The following CACNA1F variants were observed in gnomAD, a reference collection of about 807,000 sequenced individuals.
CACNA1F encodes the protein voltage-dependent L-type calcium channel subunit alpha-1F.
CACNA1F carries 59 observed loss-of-function variants against 143.8 expected under a neutral mutation model. That is an observed-to-expected ratio of 0.41 (90% CI 0.33 to 0.51). The LOEUF (loss-of-function observed/expected upper bound fraction) is 0.51, where lower values mean the gene tolerates loss of function less well. Among genes scored for constraint, CACNA1F ranks in the 20% least tolerant of loss-of-function variants. CACNA1F has a pLI of 0.22. For synonymous variants in CACNA1F, 643 were observed against 649.1 expected, an observed-to-expected ratio of 0.99 and a Z score of 0.14; for missense variants, 1,411 against 1,647.5, an observed-to-expected ratio of 0.86 and a Z score of 2.48.
Position 49,224,938 on chromosome X carries a change from A to T in CACNA1F, c.1700T>A (p.Leu567His). The change falls in exon 14 of 48, where the codon CTC becomes CAC. Residue 567 changes from leucine to histidine, a missense_variant. By Grantham distance (99) the Leu-to-His change is moderately conservative. This residue lies in a region of CACNA1F where 950 missense variants were observed against 1,128.1 expected (regional missense o/e 0.84). Coordinates refer to ENST00000323022, the MANE Select transcript of CACNA1F (RefSeq NM_001256789.3). ...LLCLFTVEML[L>H]KLYGLGPSAY... ...AGAGGGGCCCAGACCGTACAATTTGAGAAGCATCTCCACCGTGAACAGACA... is the reference window on the plus strand; with the variant it reads ...AGAGGGGCCCAGACCGTACAATTTGTGAAGCATCTCCACCGTGAACAGACA... The T allele has an allele frequency of 1.7e-6, 2 of 1,207,232 alleles. No individual in the cohort carries two copies. Among genetic ancestry groups the T allele is most frequent in the South Asian group, 3.5e-5 (2 of 56,594 alleles).
chrX:49,228,575 CTTTT>C lies in CACNA1F; in HGVS notation c.818-132_818-129del, dbSNP rs1557110610. 4 of 546,374 alleles carry C rather than the reference CTTTT, an allele frequency of 7.3e-6. No homozygotes were observed. The South Asian group carries it at 8.0e-5, about 11-fold the overall frequency. The allele number at this position is 546,374 out of a possible 1,213,427, so 45.0% of individuals were successfully genotyped here. ...TTTCTCTTTCTCTCTTTCTTTCTTT[CTTTT>C]TTTGAGACGGGGTCTCCCTCTGTCG... is the stretch of plus-strand genomic sequence containing the variant. On this transcript the variant is annotated intron_variant, in intron 6 of 47. Coordinates refer to ENST00000323022, the MANE Select transcript of CACNA1F (RefSeq NM_001256789.3).
Position 49,223,033 on chromosome X carries a change from G to A in CACNA1F, c.1981C>T (p.Leu661=). Residue 661 remains leucine (L), a synonymous_variant, in exon 15 of 48, where the codon CTG becomes TTG. Transcript: ENST00000323022. The stretch of plus-strand genomic sequence containing the variant: ...CCCCCAAACAGCTGCATGCCAAGCA[G>A]GGAGAAGATAATGATGAAGAGGAAG... ...LLFLFIIIFS[L]LGMQLFGGKF... 8.3e-7 allele frequency: 1 copy of A among 1,201,293 alleles called. No individual in the cohort carries two copies. Among genetic ancestry groups the A allele is most frequent in the Admixed American group, 2.2e-5 (1 of 44,634 alleles).
chrX:49,216,801 G>A (rs781792945), intron 26 of CACNA1F, among the ~76,000 whole-genome samples: 1 of 112,040 alleles, frequency 8.9e-6, no homozygotes, highest in Admixed American at 9.4e-5. Flanking sequence ...AATGAGACTA[G>A]TGTCTGGCAC....
At chrX:49,211,860 C>G (rs373922576) in intron 35 of CACNA1F, 38 bp downstream of exon 35, 62 of 1,130,506 alleles carry the variant, frequency 5.5e-5, no homozygotes, top group Non-Finnish European at 6.8e-5. Context: ...GGTGGGCACC[C>G]ACGGGCATAA....
chrX:49,208,429 C>G (rs1285096299), intron 43 of CACNA1F, 86 bp downstream of exon 43: 5 of 595,732 alleles, frequency 8.4e-6, no homozygotes, highest in Non-Finnish European at 1.3e-5. Context: ...TCCCACCCCC[C>G]TCAACTTCCT....
rs782568496 is a variant in CACNA1F, at chrX:49,218,850, A to G, written c.2733+32T>C. 3.4e-6 allele frequency: 4 copies of G among 1,164,018 alleles called. No homozygotes were observed. In the East Asian group the frequency reaches 1.2e-4, roughly 35 times the overall value. ...AACCGGTGGGGAGAGTGCCAGGGCA[A>G]CTGAGGGTAGGACTGGGGTCCCATT... On this transcript the variant is annotated intron_variant, in intron 22 of 47. Coordinates refer to ENST00000323022, the MANE Select transcript of CACNA1F (RefSeq NM_001256789.3).
In CACNA1F at chrX:49,228,393, G is replaced by T. The variant is rs781866020; in HGVS notation, c.872C>A (p.Ala291Glu). The change falls in exon 7 of 48, where the codon GCG becomes GAG. Residue 291 changes from alanine (A) to glutamate (E), a missense_variant. Physicochemically the swap from Ala to Glu is moderately radical, Grantham distance 107 (BLOSUM62 -1). Around this residue, in one of 3 missense-constraint regions of CACNA1F, gnomAD observed 950 missense variants for 1,128.1 expected, o/e 0.84. Coordinates refer to ENST00000323022, the MANE Select transcript of CACNA1F (RefSeq NM_001256789.3). ...GCACTCAGTCTGGTTCAGCGTGCAC[G>T]CACGCCCTGATCCCGAAGACGCACA... ...SPCASSGSGR[A>E]CTLNQTECRG... 1 of 1,209,548 alleles carries T rather than the reference G, an allele frequency of 8.3e-7. No individual in the cohort carries two copies. The highest frequency in any genetic ancestry group is 3.0e-5 in the East Asian group (1 of 33,738).
chrX:49,226,080 G>A lies in CACNA1F; in HGVS notation c.1491-11C>T. The A allele has an allele frequency of 8.4e-7, 1 of 1,192,692 alleles. No homozygotes were observed. Among genetic ancestry groups the A allele is most frequent in the Non-Finnish European group, 1.1e-6 (1 of 885,389 alleles). ...CGGCGGAGGCGGCGGCTGGGGGAAG[G>A]GGAGCCCACAGGCTGAGATCACCTA... On this transcript the variant is annotated splice_polypyrimidine_tract_variant and intron_variant, in intron 12 of 47. Coordinates refer to ENST00000323022, the MANE Select transcript of CACNA1F (RefSeq NM_001256789.3).
At position 49,228,721 on chromosome X, in the gene CACNA1F, C is replaced by A. The variant is rs191899330; in HGVS notation, c.818-274G>T. Among the ~76,000 whole-genome samples, 559 of 112,560 alleles carry A rather than the reference C, an allele frequency of 5.0e-3. 1 individual carries two copies. The highest frequency in any genetic ancestry group is 0.017 in the African/African-American group (533 of 31,065). ...CTGGGATTACCGGCGTGTGCCACAA[C>A]GCCCGGCTAATTTTTTTTGTATTTT... On this transcript the variant is annotated intron_variant, in intron 6 of 47. Transcript: ENST00000323022.
Position 49,209,925 on chromosome X carries a change from G to C in CACNA1F, c.4690+16C>G. 1 of 1,161,493 alleles carries C rather than the reference G, an allele frequency of 8.6e-7. No homozygotes were observed. The highest frequency in any genetic ancestry group is 1.2e-6 in the Non-Finnish European group (1 of 849,714). On this transcript the variant is annotated intron_variant, in intron 40 of 47. Transcript: ENST00000323022. ...TTCAGGGGCTGGCGCGGGGAACTGGGGCGGGGATAGCTCACCGTCTGGTGG... is the reference window on the plus strand; with the variant it reads ...TTCAGGGGCTGGCGCGGGGAACTGGCGCGGGGATAGCTCACCGTCTGGTGG...
intron 19 of CACNA1F, 78 bp downstream of exon 19, chrX:49,220,395 T>G: frequency 1.4e-6 from 1 of 693,646 alleles, no homozygotes; most frequent in Non-Finnish European, 2.3e-6. Flanking sequence ...GAGAGGAGGG[T>G]CTCAGGGGTC....
intron 37 of CACNA1F, 99 bp from the exon 38 acceptor site, chrX:49,210,785 C>T (rs1569527763): frequency 2.3e-6 from 2 of 870,804 alleles, no homozygotes; most frequent in Non-Finnish European, 3.3e-6. Flanking sequence ...ACCAATACCC[C>T]AGAGCTTGCC....
At chrX:49,207,161 C>A in intron 43 of CACNA1F, 49 bp from the exon 44 acceptor site, 1 of 729,135 alleles carries the variant, frequency 1.4e-6, no homozygotes, top group Non-Finnish European at 2.1e-6. Context: ...CAATATGTGG[C>A]CCTGGACCCC....
intron 13 of CACNA1F, 53 bp downstream of exon 13, chrX:49,225,856 G>C: frequency 8.8e-7 from 1 of 1,135,749 alleles, no homozygotes; most frequent in Non-Finnish European, 1.2e-6. Context: ...TTAAGCTTCT[G>C]GGGTAGAAGG....
intron 16 of CACNA1F, 49 bp from the exon 17 acceptor site, chrX:49,222,652 A>T (rs934015620): frequency 4.1e-6 from 5 of 1,206,049 alleles, no homozygotes; most frequent in Non-Finnish European, 5.6e-6. Flanking sequence ...CTGCCTATAG[A>T]CCACCCAGTT....
chrX:49,213,757 G>A (rs2065680850), intron 31 of CACNA1F, 62 bp downstream of exon 31: 2 of 831,458 alleles, frequency 2.4e-6, no homozygotes, highest in South Asian at 2.0e-5. Context: ...AGGGAACCCC[G>A]GGATAGAGGT....
Position 49,209,710 on chromosome X carries a change from G to A in CACNA1F, c.4740C>T (p.Asp1580=). Residue 1580 remains aspartate (D), a synonymous_variant, in exon 41 of 48, where the codon GAC becomes GAT. Transcript: ENST00000323022. ...TCCTCCGCCGGAATTTGCGGAAATAGTCCTGGATCAGAAATGTGGCGTAGA... is the reference window on the plus strand; with the variant it reads ...TCCTCCGCCGGAATTTGCGGAAATAATCCTGGATCAGAAATGTGGCGTAGA... ...GKFYATFLIQ[D]YFRKFRRRKE... is the part of the protein sequence containing the mutation. 2.5e-6 allele frequency: 3 copies of A among 1,211,354 alleles called. No individual in the cohort carries two copies. Among genetic ancestry groups the A allele is most frequent in the Non-Finnish European group, 3.4e-6 (3 of 895,111 alleles).
At position 49,227,585 on chromosome X, in the gene CACNA1F, C is replaced by T. The variant is rs1189676795; in HGVS notation, c.1118+451G>A. Among the ~76,000 whole-genome samples, 27 of 112,356 alleles carry T rather than the reference C, an allele frequency of 2.4e-4. No homozygotes were observed. In the Admixed American group the frequency reaches 2.4e-3, roughly 10 times the overall value. ...AAGCCATCCTCCTGCCTTGGCCTCCCATAGTGCTGGGATTACAGGCATGAG... is the reference window on the plus strand; with the variant it reads ...AAGCCATCCTCCTGCCTTGGCCTCCTATAGTGCTGGGATTACAGGCATGAG... On this transcript the variant is annotated intron_variant, in intron 8 of 47. Transcript: ENST00000323022.
chrX:49,219,567 G>T, intron 20 of CACNA1F, 67 bp downstream of exon 20: 2 of 1,171,629 alleles, frequency 1.7e-6, no homozygotes, highest in Non-Finnish European at 2.3e-6. Flanking sequence ...CACCTTGGCT[G>T]CTCCTCCATG....
Sources: gnomAD v4.1 joint callset for allele counts (sites outside exome capture counted in the v4.1 genomes callset) on GRCh38, gnomAD v4.1.1 for gene constraint, gnomAD v4.1.1 regional missense constraint, MANE v1.5 for transcripts, NCBI Gene and HGNC (gene_info 2026-07-23, HGNC 2026-07-21) for gene names.